DIAPH3: variants seen among roughly 807,000 people sequenced by gnomAD.
DIAPH3 encodes protein diaphanous homolog 3.
DIAPH3 carries 117 observed loss-of-function variants against 144.3 expected under a neutral mutation model. The ratio of observed to expected loss-of-function variants is 0.81; its 90% confidence interval spans 0.70 to 0.95. The LOEUF (loss-of-function observed/expected upper bound fraction) is 0.95, where lower values mean the gene tolerates loss of function less well. Among genes scored for constraint, DIAPH3 ranks in the 40% least tolerant of loss-of-function variants. The probability of loss-of-function intolerance (pLI) is 0.00; values close to 1 mark genes in which losing one functional copy is unlikely to be tolerated. For synonymous variants in DIAPH3, 519 were observed against 488.9 expected, an observed-to-expected ratio of 1.06 and a Z score of -0.81; for missense variants, 1,421 against 1,412.7, an observed-to-expected ratio of 1.01 and a Z score of -0.09.
At chr13:59,937,484 G>C (rs1023928913) in intron 17 of DIAPH3, among the ~76,000 whole-genome samples, 1 of 152,160 alleles carries the variant, frequency 6.6e-6, no homozygotes, top group African/African-American at 2.4e-5. Flanking sequence ...ACAATGCTAA[G>C]CAACTTGAGA....
chr13:59,703,017 T>A (rs2138765434), intron 27 of DIAPH3, among the ~76,000 whole-genome samples: 1 of 152,312 alleles, frequency 6.6e-6, no homozygotes, highest in African/African-American at 2.4e-5. Context: ...TGTCTGGCAC[T>A]CTCTATCCCT....
At chr13:59,698,085 C>T (rs1271620943) in intron 27 of DIAPH3, among the ~76,000 whole-genome samples, 1 of 151,916 alleles carries the variant, frequency 6.6e-6, no homozygotes, top group Non-Finnish European at 1.5e-5. Flanking sequence ...ATGCATATGC[C>T]CAAATGTGCA....
At chr13:59,689,094 T>C (rs1410249322) in intron 27 of DIAPH3, among the ~76,000 whole-genome samples, 2 of 152,088 alleles carry the variant, frequency 1.3e-5, no homozygotes, top group Non-Finnish European at 2.9e-5. Context: ...GAATCTCTTG[T>C]TATAGAAAGT....
intron 3 of DIAPH3, among the ~76,000 whole-genome samples, chr13:60,111,590 G>A (rs2058568545): frequency 6.6e-6 from 1 of 152,166 alleles, no homozygotes; most frequent in Admixed American, 6.5e-5. Flanking sequence ...AACTGTGCAC[G>A]CTTCTTATGA....
intron 27 of DIAPH3, among the ~76,000 whole-genome samples, chr13:59,754,486 G>A (rs955463020): frequency 6.6e-6 from 1 of 151,986 alleles, no homozygotes; most frequent in African/African-American, 2.4e-5. Context: ...TATTCCCTCC[G>A]CTCTACCATT....
chr13:59,835,635 G>A (rs1289120103), intron 23 of DIAPH3, among the ~76,000 whole-genome samples: 1 of 151,660 alleles, frequency 6.6e-6, no homozygotes, highest in Non-Finnish European at 1.5e-5. Context: ...AAGAAAGAAA[G>A]AACAGAAGAA....
At position 59,665,960 on chromosome 13, in the gene DIAPH3, C is replaced by T. The variant is rs1023950607; in HGVS notation, c.*624G>A. 3 of 152,162 alleles carry T rather than the reference C, an allele frequency of 2.0e-5. No individual in the cohort carries two copies. Among genetic ancestry groups the T allele is most frequent in the Non-Finnish European group, 4.4e-5 (3 of 68,036 alleles). 9.4% of individuals were successfully genotyped at this position (152,162 alleles called of 1,614,324 possible). The stretch of plus-strand genomic sequence containing the variant: ...CATACATTCTTATTGCATCATTTTT[C>T]GTTATGTGCTCAATTGCCTTATGGT... On this transcript the variant is annotated 3_prime_UTR_variant, in exon 28 of 28. Coordinates refer to ENST00000400324, the MANE Select transcript of DIAPH3 (RefSeq NM_001042517.2).
chr13:60,121,160 G>C (rs2058834469), intron 2 of DIAPH3, among the ~76,000 whole-genome samples: 1 of 151,612 alleles, frequency 6.6e-6, no homozygotes, highest in Non-Finnish European at 1.5e-5. Flanking sequence ...ACTGTGCTTT[G>C]AAAATATCTG....
intron 3 of DIAPH3, among the ~76,000 whole-genome samples, chr13:60,101,521 CT>C (rs1229364840): frequency 6.7e-3 from 954 of 142,652 alleles, no homozygotes; most frequent in Middle Eastern, 0.011. Context: ...TTTGCGATTT[CT>C]TTTTTTTTTT....
Position 59,971,026 on chromosome 13 carries a change from T to A in DIAPH3, c.1785A>T (p.Pro595=). The A allele has an allele frequency of 6.2e-7, 1 of 1,610,122 alleles. No homozygotes were observed. Among genetic ancestry groups the A allele is most frequent in the Non-Finnish European group, 8.5e-7 (1 of 1,178,408 alleles). The part of the protein sequence containing the change: ...GGVPPPPPPP[P]PPPLPGMRMP... ...TCCGCATTCCTGGAAGTGGAGGAGG[T>A]GGTGGGGGAGGAGGTGGAGGCGGCA... The change falls in exon 16 of 28, where the codon CCA becomes CCT. Residue 595 remains proline (P), a synonymous_variant. Transcript: ENST00000400324.
intron 15 of DIAPH3, among the ~76,000 whole-genome samples, chr13:59,972,405 T>C (rs1324238428): frequency 6.6e-6 from 1 of 152,206 alleles, no homozygotes; most frequent in Non-Finnish European, 1.5e-5. Context: ...GTAATATGAG[T>C]AGCTTCTTGA....
intron 3 of DIAPH3, among the ~76,000 whole-genome samples, chr13:60,105,921 G>A (rs2138019287): frequency 6.6e-6 from 1 of 152,034 alleles, no homozygotes; most frequent in East Asian, 1.9e-4. Flanking sequence ...GATATTCCTT[G>A]CACACTCAAC....
At chr13:60,136,849 A>T (rs1210674376) in intron 1 of DIAPH3, among the ~76,000 whole-genome samples, 4 of 152,058 alleles carry the variant, frequency 2.6e-5, no homozygotes, top group Non-Finnish European at 5.9e-5. Flanking sequence ...CTGAGACAGG[A>T]GAATGGCGTG....
intron 27 of DIAPH3, among the ~76,000 whole-genome samples, chr13:59,746,717 T>C (rs1235606601): frequency 6.6e-6 from 1 of 152,202 alleles, no homozygotes; most frequent in Admixed American, 6.5e-5. Flanking sequence ...CACCCAGAAA[T>C]TCTGATTCAG....
At chr13:59,715,779 A>AT (rs548521730) in intron 27 of DIAPH3, among the ~76,000 whole-genome samples, 1 of 152,134 alleles carries the variant, frequency 6.6e-6, no homozygotes, top group Non-Finnish European at 1.5e-5. Context: ...GCTGAGATTC[A>AT]TTTTTTTCTT....
intron 27 of DIAPH3, chr13:59,696,044 G>T (rs2033784264): frequency 6.6e-6 from 1 of 152,116 alleles, no homozygotes; most frequent in Admixed American, 6.5e-5. Context: ...CAAATGAAAG[G>T]ATTGAAAGGT....
intron 4 of DIAPH3, among the ~76,000 whole-genome samples, chr13:60,064,166 C>T (rs1437904453): frequency 6.6e-6 from 1 of 152,056 alleles, no homozygotes; most frequent in African/African-American, 2.4e-5. Context: ...TCCTAAGGGC[C>T]CTAGGATTTT....
rs760769606 is a variant in DIAPH3 at position 60,015,981 on chromosome 13, G to T, written c.703C>A (p.Gln235Lys). ...ILEKLISGKI[Q>K]EKVVKKNQHK... The stretch of plus-strand genomic sequence containing the variant: ...TGATTTTTCTTTACAACTTTTTCTT[G>T]GCTGTATTGACATAAAAAATAGCAG... Residue 235 changes from glutamine to lysine, a missense_variant and splice_region_variant, in exon 7 of 28, where the codon CAA becomes AAA. By Grantham distance (53) the Gln-to-Lys change is moderately conservative (BLOSUM62 1). Coordinates refer to ENST00000400324, the MANE Select transcript of DIAPH3 (RefSeq NM_001042517.2). 6.2e-7 allele frequency: 1 copy of T among 1,612,840 alleles called. No individual in the cohort carries two copies. Among genetic ancestry groups the T allele is most frequent in the South Asian group, 1.1e-5 (1 of 90,990 alleles).
At chr13:59,763,196 TC>T (rs2037692166) in intron 27 of DIAPH3, among the ~76,000 whole-genome samples, 1 of 152,148 alleles carries the variant, frequency 6.6e-6, no homozygotes, top group Non-Finnish European at 1.5e-5. Flanking sequence ...TAATTCTTTT[TC>T]ATACATATAT....
Sources: gnomAD v4.1 joint callset for allele counts (sites outside exome capture counted in the v4.1 genomes callset) on GRCh38, gnomAD v4.1.1 for gene constraint, MANE v1.5 for transcripts, NCBI Gene and HGNC (gene_info 2026-07-23, HGNC 2026-07-21) for gene names.